SLC4A4: variants seen among roughly 807,000 people sequenced by gnomAD.
SLC4A4 encodes solute carrier family 4 member 4.
A neutral mutation model predicts 111.5 loss-of-function variants in SLC4A4; 27 were observed. The ratio of observed to expected loss-of-function variants is 0.24; its 90% confidence interval spans 0.18 to 0.33. SLC4A4 has a LOEUF of 0.33. Ranked by LOEUF, SLC4A4 falls within the 10% of genes least tolerant of loss-of-function variation. The pLI is 1.00. For synonymous variants in SLC4A4, 443 were observed against 463.4 expected, an observed-to-expected ratio of 0.96 and a Z score of 0.57; for missense variants, 909 against 1,315.5, an observed-to-expected ratio of 0.69 and a Z score of 4.78.
intron 7 of SLC4A4, among the ~76,000 whole-genome samples, chr4:71,433,980 T>C (rs1723877958): frequency 6.6e-6 from 1 of 151,960 alleles, no homozygotes; most frequent in Non-Finnish European, 1.5e-5. Context: ...AAAAGCAAGG[T>C]AAAGTATGAT....
At chr4:71,064,977 G>T (rs1435216423) in intron 1 of SLC4A4, among the ~76,000 whole-genome samples, 4 of 152,046 alleles carry the variant, frequency 2.6e-5, no homozygotes, top group Non-Finnish European at 5.9e-5. Context: ...CTCCTCTTCT[G>T]CCAACAAAAA....
At chr4:71,244,117 C>A (rs1720454536) in intron 2 of SLC4A4, among the ~76,000 whole-genome samples, 2 of 152,138 alleles carry the variant, frequency 1.3e-5, no homozygotes, top group Non-Finnish European at 2.9e-5. Context: ...AAGAAAATGT[C>A]TTCAAGGTAG....
At chr4:71,186,840 C>T (rs1420822923), upstream of SLC4A4, 1 of 152,198 alleles carries the variant, frequency 6.6e-6, no homozygotes, top group Middle Eastern at 3.1e-3. Context: ...CTGGGCTGGG[C>T]TCCACTGCTG....
intron 3 of SLC4A4, among the ~76,000 whole-genome samples, chr4:71,294,544 G>A (rs1278309267): frequency 6.6e-6 from 1 of 152,178 alleles, no homozygotes; most frequent in Non-Finnish European, 1.5e-5. Flanking sequence ...TTTGCTGTGA[G>A]CCAGCAAGTG....
intron 1 of SLC4A4, among the ~76,000 whole-genome samples, chr4:71,219,384 A>G (rs753200980): frequency 1.3e-5 from 2 of 152,242 alleles, no homozygotes; most frequent in Non-Finnish European, 2.9e-5. Flanking sequence ...ATCTGTTTAT[A>G]GCATGATTTA....
chr4:71,451,239 C>T lies in SLC4A4; in HGVS notation c.1260C>T (p.Pro420=). 6.2e-7 allele frequency: 1 copy of T among 1,613,486 alleles called. No homozygotes were observed. Among genetic ancestry groups the T allele is most frequent in the South Asian group, 1.1e-5 (1 of 91,066 alleles). Residue 420 remains proline (P), a synonymous_variant, in exon 11 of 26, where the codon CCC becomes CCT. Transcript: ENST00000264485. Reference sequence around the variant, plus strand: ...ATGTTCAGATGAATGGGGATACGCCCCATGATGGAGGTCACGGAGGAGGAG... The same window carrying T: ...ATGTTCAGATGAATGGGGATACGCCTCATGATGGAGGTCACGGAGGAGGAG... ...GENVQMNGDT[P]HDGGHGGGGH...
intron 18 of SLC4A4, among the ~76,000 whole-genome samples, chr4:71,542,701 G>A (rs1294005301): frequency 1.3e-5 from 2 of 151,968 alleles, no homozygotes; most frequent in Non-Finnish European, 2.9e-5. Flanking sequence ...GCTAAGTTGG[G>A]TACCCCTCCT....
chr4:71,272,045 T>A (rs544215874), intron 3 of SLC4A4, among the ~76,000 whole-genome samples: 2 of 152,236 alleles, frequency 1.3e-5, no homozygotes, highest in South Asian at 4.1e-4. Flanking sequence ...GCCTGTGTCC[T>A]CACCATTCTA....
Position 71,156,699 on chromosome 4 carries a change from TAC to T in SLC4A4, c.-2+63909_-2+63910del, listed in dbSNP as rs533539030. ...AGGGGATGAGGAAGAAAAAAAAAGA[TAC>T]ATAACATAACAGCCCTTGAAACAAT... On this transcript the variant is annotated intron_variant, in intron 2 of 26. Coordinates refer to the SLC4A4 transcript ENST00000649996. 3.4e-3 allele frequency among the ~76,000 whole-genome samples: 523 copies of T among 151,896 alleles called. 4 individuals are homozygous for T. The highest frequency in any genetic ancestry group is 0.012 in the African/African-American group (503 of 41,386).
At chr4:71,106,090 AC>A (rs1742909798) in intron 2 of SLC4A4, among the ~76,000 whole-genome samples, 1 of 148,866 alleles carries the variant, frequency 6.7e-6, no homozygotes. Context: ...AAAACAAACA[AC>A]CCCATCAAAA....
At chr4:71,567,135 G>T (rs1737556459) in intron 25 of SLC4A4, 52 bp downstream of exon 25, 1 of 1,374,802 alleles carries the variant, frequency 7.3e-7, no homozygotes, top group South Asian at 1.2e-5. Context: ...TTGCCCCACA[G>T]AAATGTAGTT....
rs72854443 is a variant in SLC4A4, at chr4:71,560,054, A to G, written c.2938-39A>G. ...TCTATGCTTGCTGTGACTTCATCTG[A>G]CATGGTTTCTTTCATACTTTTAATA... is the stretch of plus-strand genomic sequence containing the variant. On this transcript the variant is annotated intron_variant, in intron 22 of 25. Transcript: ENST00000264485. 2,310 of 1,510,970 alleles carry G rather than the reference A, an allele frequency of 1.5e-3. 36 individuals carry two copies. The African/African-American group carries it at 0.028, about 18-fold the overall frequency. 93.6% of individuals were successfully genotyped at this position (1,510,970 alleles called of 1,614,324 possible). A position where few individuals can be genotyped will look rare whatever the true frequency, so the allele number is the denominator to read the frequency against.
chr4:71,535,271 G>A (rs1051199378), intron 18 of SLC4A4, among the ~76,000 whole-genome samples: 4 of 152,082 alleles, frequency 2.6e-5, no homozygotes, highest in Non-Finnish European at 4.4e-5. Context: ...AACACAGTAG[G>A]TATAGCAGGA....
chr4:71,529,506 T>C (rs1018720077), intron 16 of SLC4A4, among the ~76,000 whole-genome samples: 12 of 152,130 alleles, frequency 7.9e-5, no homozygotes, highest in African/African-American at 2.9e-4. Context: ...AGTGATGAGG[T>C]TCAGTTTGCC....
At chr4:71,374,859 GTGATATAT>G (rs1732206844) in intron 6 of SLC4A4, among the ~76,000 whole-genome samples, 1 of 151,880 alleles carries the variant, frequency 6.6e-6, no homozygotes, top group African/African-American at 2.4e-5. Flanking sequence ...GGTGATATGT[GTGATATAT>G]TTATAATCAG....
intron 1 of SLC4A4, among the ~76,000 whole-genome samples, chr4:71,084,239 C>T (rs957908257): frequency 6.6e-6 from 1 of 151,924 alleles, no homozygotes; most frequent in African/African-American, 2.4e-5. Flanking sequence ...ATGTAAAGAT[C>T]GCCTTGAAGT....
chr4:71,427,261 T>G (rs1195217673), intron 7 of SLC4A4, among the ~76,000 whole-genome samples: 1 of 152,106 alleles, frequency 6.6e-6, no homozygotes. Flanking sequence ...AGACTTTAGC[T>G]TTTCTTTTTT....
chr4:71,534,314 T>C lies in SLC4A4; in HGVS notation c.2368T>C (p.Leu790=), dbSNP rs1436208202. ...VCLAAAIPAL[L]VTILIFMDQQ... ...CCTTGCTGCTGCTATCCCGGCTTTG[T>C]TGGTCACTATACTGATTTTCATGGA... Residue 790 remains leucine, a synonymous_variant, in exon 18 of 26, where the codon TTG becomes CTG. Coordinates refer to ENST00000264485, the MANE Select transcript of SLC4A4 (RefSeq NM_001098484.3). 1.2e-6 allele frequency: 2 copies of C among 1,613,654 alleles called. No homozygotes were observed. The highest frequency in any genetic ancestry group is 1.3e-5 in the African/African-American group (1 of 74,900).
chr4:71,225,602 G>A (rs1487419153), intron 1 of SLC4A4, among the ~76,000 whole-genome samples: 1 of 152,200 alleles, frequency 6.6e-6, no homozygotes, highest in Non-Finnish European at 1.5e-5. Context: ...TGTGAACACT[G>A]TGGTTGCCAT....
Sources: gnomAD v4.1 joint callset for allele counts (sites outside exome capture counted in the v4.1 genomes callset) on GRCh38, gnomAD v4.1.1 for gene constraint, MANE v1.5 for transcripts, NCBI Gene and HGNC (gene_info 2026-07-23, HGNC 2026-07-21) for gene names.